Variants in OLA1 observed in about 807,000 individuals in gnomAD.
OLA1 encodes Obg like ATPase 1, also known as obg-like ATPase 1.
OLA1 carries 14 observed loss-of-function variants against 48.4 expected under a neutral mutation model. The ratio of observed to expected loss-of-function variants is 0.29; its 90% CI spans 0.19 to 0.45. The LOEUF (loss-of-function observed/expected upper bound fraction) is 0.45, where lower values mean the gene tolerates loss of function less well. OLA1 is among the 20% of genes least tolerant of loss of function. The pLI, the probability that OLA1 is intolerant of heterozygous loss-of-function variation, is 1.00. For missense variants in OLA1, 325 were observed against 467.1 expected, an observed-to-expected ratio of 0.70 and a Z score of 2.80; for synonymous variants, 127 against 150.4, an observed-to-expected ratio of 0.84 and a Z score of 1.14.
At chr2:174,083,110 G>C (rs1004598307) in intron 7 of OLA1, among the ~76,000 whole-genome samples, 1 of 152,056 alleles carries the variant, frequency 6.6e-6, no homozygotes, top group African/African-American at 2.4e-5. Flanking sequence ...ACTGAGTTTA[G>C]TGTGAGACTA....
At chr2:174,102,898 T>C (rs189254670) in intron 7 of OLA1, among the ~76,000 whole-genome samples, 67 of 152,172 alleles carry the variant, frequency 4.4e-4, no homozygotes, top group Non-Finnish European at 9.4e-4. Flanking sequence ...AGAGCTATAC[T>C]TTTCAAATGA....
At chr2:174,142,502 C>T (rs1034374651) in intron 4 of OLA1, among the ~76,000 whole-genome samples, 3 of 152,126 alleles carry the variant, frequency 2.0e-5, no homozygotes, top group South Asian at 2.1e-4. Context: ...CTAATTTCAT[C>T]GGCCTGATTT....
At chr2:174,127,402 T>C (rs1686069262) in intron 5 of OLA1, among the ~76,000 whole-genome samples, 1 of 152,246 alleles carries the variant, frequency 6.6e-6, no homozygotes, top group African/African-American at 2.4e-5. Flanking sequence ...TTGGGTACAA[T>C]AGCTGATCAT....
chr2:174,182,522 C>T (rs966399490), intron 4 of OLA1, among the ~76,000 whole-genome samples: 7 of 151,756 alleles, frequency 4.6e-5, no homozygotes, highest in Admixed American at 2.0e-4. Flanking sequence ...AGCAAAACTC[C>T]GTCTCAAAAA....
At chr2:174,206,117 C>T (rs1369430376) in intron 4 of OLA1, among the ~76,000 whole-genome samples, 2 of 152,244 alleles carry the variant, frequency 1.3e-5, no homozygotes, top group Non-Finnish European at 1.5e-5. Context: ...AAATGCTCAA[C>T]TGATTTCATT....
At chr2:174,150,038 A>G (rs1558977861) in intron 4 of OLA1, among the ~76,000 whole-genome samples, 1 of 152,236 alleles carries the variant, frequency 6.6e-6, no homozygotes, top group Non-Finnish European at 1.5e-5. Flanking sequence ...AGCAATACTT[A>G]TAAACCATCT....
intron 4 of OLA1, among the ~76,000 whole-genome samples, chr2:174,147,776 T>C (rs1686644439): frequency 6.6e-6 from 1 of 152,224 alleles, no homozygotes; most frequent in Non-Finnish European, 1.5e-5. Flanking sequence ...CTTTTTATAA[T>C]AAACATGCAT....
At chr2:174,126,827 T>A (rs756875123) in intron 5 of OLA1, among the ~76,000 whole-genome samples, 1 of 152,226 alleles carries the variant, frequency 6.6e-6, no homozygotes, top group East Asian at 1.9e-4. Context: ...TTCTCTTGGG[T>A]GCTCCTTTAA....
chr2:174,158,658 G>A (rs77457056), intron 4 of OLA1, among the ~76,000 whole-genome samples: 20,056 of 151,978 alleles, frequency 0.13, 1,773 homozygotes, highest in Non-Finnish European at 0.2. Flanking sequence ...TTCCACAAAA[G>A]TGAAAGGATA....
At chr2:174,162,845 A>G (rs1157535809) in intron 4 of OLA1, among the ~76,000 whole-genome samples, 1 of 152,034 alleles carries the variant, frequency 6.6e-6, no homozygotes, top group African/African-American at 2.4e-5. Context: ...GGAGTTTGAG[A>G]CCAGCCTGGG....
intron 4 of OLA1, among the ~76,000 whole-genome samples, chr2:174,145,597 C>T (rs1686574495): frequency 6.6e-6 from 1 of 152,152 alleles, no homozygotes; most frequent in Admixed American, 6.5e-5. Flanking sequence ...CTCAACAGAG[C>T]AAGCCTTAGT....
At chr2:174,087,651 T>C (rs1685014247) in intron 7 of OLA1, among the ~76,000 whole-genome samples, 1 of 152,166 alleles carries the variant, frequency 6.6e-6, no homozygotes, top group Non-Finnish European at 1.5e-5. Flanking sequence ...CTATTTGATA[T>C]TTTGCATAAA....
intron 7 of OLA1, among the ~76,000 whole-genome samples, chr2:174,110,302 A>AT (rs575026912): frequency 0.097 from 11,067 of 113,742 alleles, 629 homozygotes; most frequent in Non-Finnish European, 0.12. Flanking sequence ...CCATGCTTGG[A>AT]TTTTTTTTTT....
At chr2:174,181,647 G>A (rs1158331227) in intron 4 of OLA1, among the ~76,000 whole-genome samples, 1 of 152,138 alleles carries the variant, frequency 6.6e-6, no homozygotes, top group African/African-American at 2.4e-5. Flanking sequence ...TAGGGTGACA[G>A]AACTCAGAAA....
At chr2:174,166,477 A>G (rs552784859) in intron 4 of OLA1, among the ~76,000 whole-genome samples, 12 of 152,320 alleles carry the variant, frequency 7.9e-5, no homozygotes, top group Admixed American at 7.2e-4. Flanking sequence ...TGATCTGAAC[A>G]TGAACTCTCA....
At chr2:174,188,080 T>C (rs1687693398) in intron 4 of OLA1, among the ~76,000 whole-genome samples, 1 of 152,172 alleles carries the variant, frequency 6.6e-6, no homozygotes, top group Non-Finnish European at 1.5e-5. Flanking sequence ...AAGGTGATCA[T>C]GATAAAACCA....
At chr2:174,104,944 C>A (rs1464966110) in intron 7 of OLA1, among the ~76,000 whole-genome samples, 1 of 151,866 alleles carries the variant, frequency 6.6e-6, no homozygotes, top group East Asian at 1.9e-4. Flanking sequence ...ACCTTTATTC[C>A]TTCTCTGAAT....
At chr2:174,180,381 C>T (rs981452846) in intron 4 of OLA1, among the ~76,000 whole-genome samples, 1 of 152,150 alleles carries the variant, frequency 6.6e-6, no homozygotes, top group Non-Finnish European at 1.5e-5. Flanking sequence ...GCTTTAAGTA[C>T]AGCACCAGAA....
chr2:174,219,159 C>T (rs1688434326), intron 4 of OLA1, among the ~76,000 whole-genome samples: 2 of 151,648 alleles, frequency 1.3e-5, no homozygotes, highest in African/African-American at 4.8e-5. Context: ...TTACACATTA[C>T]TGGCCGGACA....
Sources: gnomAD v4.1 joint callset for allele counts (sites outside exome capture counted in the v4.1 genomes callset) on GRCh38, gnomAD v4.1.1 for gene constraint, MANE v1.5 for transcripts, NCBI Gene and HGNC (gene_info 2026-07-23, HGNC 2026-07-21) for gene names.